CYP4A22: variants seen among roughly 807,000 people sequenced by gnomAD.
CYP4A22 encodes the protein cytochrome P450 family 4 subfamily A member 22.
CYP4A22 carries 46 observed loss-of-function variants against 56.2 expected under a neutral mutation model. That is an observed-to-expected ratio of 0.82 (90% CI 0.65 to 1.05). The LOEUF (loss-of-function observed/expected upper bound fraction) is 1.05. CYP4A22 is among the 50% of genes least tolerant of loss of function. CYP4A22 has a pLI of 0.00. For missense variants in CYP4A22, 541 were observed against 645.9 expected (o/e 0.84, Z 1.76); for synonymous variants, 193 against 251.1 (o/e 0.77, Z 2.19).
chr1:47,144,773 C>T, intron 8 of CYP4A22, 33 bp downstream of exon 8: 1 of 1,611,494 alleles, frequency 6.2e-7, no homozygotes, highest in Non-Finnish European at 8.5e-7. Context: ...GGGTTCCCTG[C>T]CTTCTCCACA....
rs532717348 is a variant in CYP4A22, at chr1:47,147,551, T to C, written c.1365-1051T>C. On this transcript the variant is annotated intron_variant, in intron 11 of 11. Coordinates refer to ENST00000371891, the MANE Select transcript of CYP4A22 (RefSeq NM_001010969.4). ...TTCACTCATTCACTCACTGAGTGGC[T>C]TGTTGAGTGTCCCTGTCCCTGGTGC... 12 of 592,002 alleles carry C rather than the reference T, an allele frequency of 2.0e-5. No homozygotes were observed. In the South Asian group the frequency reaches 9.1e-4, roughly 45 times the overall value. The allele number at this position is 592,002 out of a possible 1,614,324, so 36.7% of individuals were successfully genotyped here. A position where few individuals can be genotyped will look rare whatever the true frequency, so the allele number is the denominator to read the frequency against.
rs1167127059 is a variant in CYP4A22 at position 47,149,390 on chromosome 1, C to G, written c.*593C>G. On this transcript the variant is annotated 3_prime_UTR_variant, in exon 12 of 12. Transcript: ENST00000371891. ...TGCAACATGCCCTTTCGACCCACCCCCCATTCTCACCACCTGTTTCTTTGT... is the reference window on the plus strand; with the variant it reads ...TGCAACATGCCCTTTCGACCCACCCGCCATTCTCACCACCTGTTTCTTTGT... 1.3e-5 allele frequency: 2 copies of G among 153,206 alleles called. No individual in the cohort carries two copies. Among genetic ancestry groups the G allele is most frequent in the East Asian group, 1.9e-4 (1 of 5,196 alleles). The allele number at this position is 153,206 out of a possible 1,614,324, so 9.5% of individuals were successfully genotyped here.
intron 11 of CYP4A22, chr1:47,146,636 A>G: frequency 2.0e-6 from 2 of 1,007,706 alleles, no homozygotes; most frequent in African/African-American, 1.7e-5. Context: ...GCATCTGTTT[A>G]TAATACAGAT....
chr1:47,143,820 A>T lies in CYP4A22; in HGVS notation c.694A>T (p.Met232Leu), dbSNP rs191687330. The T allele has an allele frequency of 1.6e-5, 26 of 1,613,924 alleles. No homozygotes were observed. Among genetic ancestry groups the T allele is most frequent in the Non-Finnish European group, 2.2e-5 (26 of 1,179,972 alleles). The change falls in exon 6 of 12, where the codon ATG becomes TTG. Residue 232 changes from methionine to leucine, a missense_variant. Met to Leu is a conservative substitution (Grantham distance 15). Coordinates refer to ENST00000371891, the MANE Select transcript of CYP4A22 (RefSeq NM_001010969.4). ...SDLNSLVFCC[M>L]RNAFHENDTI... The stretch of plus-strand genomic sequence containing the variant: ...CCTGAACAGCCTGGTTTTTTGCTGT[A>T]TGAGGAATGCCTTTCATGAGAATGA...
At chr1:47,138,070 C>G (rs1481402781) in intron 1 of CYP4A22, among the ~76,000 whole-genome samples, 6 of 152,140 alleles carry the variant, frequency 3.9e-5, no homozygotes, top group African/African-American at 9.7e-5. Context: ...CCTGCATTTG[C>G]CTGGGAGCAC....
intron 1 of CYP4A22, among the ~76,000 whole-genome samples, chr1:47,139,979 G>A (rs1307610263): frequency 6.6e-6 from 1 of 152,190 alleles, no homozygotes; most frequent in East Asian, 1.9e-4. Flanking sequence ...CAGCAGCAGT[G>A]GTGGCATCGG....
intron 11 of CYP4A22, 152 bp downstream of exon 11, chr1:47,146,305 C>T (rs927343635): frequency 1.0e-5 from 16 of 1,543,978 alleles, no homozygotes; most frequent in Admixed American, 1.9e-5. Context: ...CTGGTGTGGG[C>T]GTCTCTGTGT....
At chr1:47,147,704 G>C (rs1645090976) in intron 11 of CYP4A22, among the ~76,000 whole-genome samples, 1 of 152,162 alleles carries the variant, frequency 6.6e-6, no homozygotes, top group East Asian at 1.9e-4. Flanking sequence ...TTGAGGATGT[G>C]GCAGGCAGAG....
rs758148526 is a variant in CYP4A22 at position 47,140,919 on chromosome 1, C to G, written c.335C>G (p.Ser112Ter). The G allele has an allele frequency of 1.2e-6, 2 of 1,613,736 alleles. No individual in the cohort carries two copies. Among genetic ancestry groups the G allele is most frequent in the African/African-American group, 2.7e-5 (2 of 74,884 alleles). ...TATATGAAGGTGATTCTGGGGAGAT[C>G]AGGTGAGATCGAACCCCCATCCCAA... ...PDYMKVILGRSDPKSHGSYKF... is the reference protein window; with the variant it reads ...PDYMKVILGR The change falls in exon 2 of 12, where the codon TCA becomes TGA. Residue 112 changes from serine to a stop codon, truncating the protein, a stop_gained and splice_region_variant. Coordinates refer to ENST00000371891, the MANE Select transcript of CYP4A22 (RefSeq NM_001010969.4). LOFTEE classifies it high-confidence loss of function.
At chr1:47,143,495 A>T (rs1449430826) in intron 5 of CYP4A22, 102 bp downstream of exon 5, 1 of 1,504,278 alleles carries the variant, frequency 6.6e-7, no homozygotes, top group African/African-American at 1.4e-5. Flanking sequence ...CGCCACACAA[A>T]GGAAGAGTCA....
rs1461947382 is a variant in CYP4A22, at chr1:47,137,656, C to G, written c.171C>G (p.His57Gln). The change falls in exon 1 of 12, where the codon CAC becomes CAG. Residue 57 changes from histidine to glutamine, a missense_variant. This residue lies in a region of CYP4A22 where 335 missense variants were observed against 361.2 expected (regional missense o/e 0.93). Coordinates refer to ENST00000371891, the MANE Select transcript of CYP4A22 (RefSeq NM_001010969.4). ...ALQQFPCPPS[H>Q]WLFGHIQEFQ... ...AGCAGTTCCCGTGCCCTCCCTCCCA[C>G]TGGCTCTTCGGGCACATCCAGGAGG... The G allele has an allele frequency of 6.2e-7, 1 of 1,612,944 alleles. No homozygotes were observed. Among genetic ancestry groups the G allele is most frequent in the Non-Finnish European group, 8.5e-7 (1 of 1,179,350 alleles).
rs370321634 is a variant in CYP4A22, at chr1:47,140,015, T to C, written c.196-765T>C. ...CGTTGGAGCTGAAACAAACGGGTGATGGTGGAATTGCCAGCAGGGCTGGAG... is the reference window on the plus strand; with the variant it reads ...CGTTGGAGCTGAAACAAACGGGTGACGGTGGAATTGCCAGCAGGGCTGGAG... On this transcript the variant is annotated intron_variant, in intron 1 of 11. Transcript: ENST00000371891. Among the ~76,000 whole-genome samples the C allele has an allele frequency of 7.0e-4, 107 of 152,228 alleles. 1 individual carries two copies. The highest frequency in any genetic ancestry group is 2.0e-3 in the African/African-American group (84 of 41,538).
At chr1:47,138,744 T>C (rs1028716764) in intron 1 of CYP4A22, among the ~76,000 whole-genome samples, 1 of 152,082 alleles carries the variant, frequency 6.6e-6, no homozygotes, top group African/African-American at 2.4e-5. Flanking sequence ...ACACACCAGG[T>C]GTAGAGGAAC....
Position 47,143,791 on chromosome 1 carries a change from G to C in CYP4A22, c.665G>C (p.Ser222Thr). ...TCTCAGTCCTACATCCAGGCCATTAGTGACCTGAACAGCCTGGTTTTTTGC... is the reference window on the plus strand; with the variant it reads ...TCTCAGTCCTACATCCAGGCCATTACTGACCTGAACAGCCTGGTTTTTTGC... The part of the protein sequence containing the change: ...RNSQSYIQAI[S>T]DLNSLVFCCM... The change falls in exon 6 of 12, where the codon AGT becomes ACT. Residue 222 changes from serine (S) to threonine (T), a missense_variant. Physicochemically the swap from Ser to Thr is moderately conservative, Grantham distance 58. This residue lies in a region of CYP4A22 where 335 missense variants were observed against 361.2 expected (regional missense o/e 0.93). Transcript: ENST00000371891. 6.2e-7 allele frequency: 1 copy of C among 1,613,610 alleles called. No individual in the cohort carries two copies. Among genetic ancestry groups the C allele is most frequent in the South Asian group, 1.1e-5 (1 of 91,010 alleles).
rs754263031 is a variant in CYP4A22, at chr1:47,137,611, G to A, written c.126G>A (p.Gln42=). ...IKAAQLYLHR[Q]WLLKALQQFP... is the part of the protein sequence containing the mutation. ...CAGCTCAGCTCTACCTGCATAGGCA[G>A]TGGCTGCTCAAAGCCCTCCAGCAGT... The change falls in exon 1 of 12, where the codon CAG becomes CAA. Residue 42 remains glutamine (Q), a synonymous_variant. Coordinates refer to ENST00000371891, the MANE Select transcript of CYP4A22 (RefSeq NM_001010969.4). 7.4e-6 allele frequency: 12 copies of A among 1,614,074 alleles called. No homozygotes were observed. In the African/African-American group the frequency reaches 1.3e-4, roughly 18 times the overall value.
intron 5 of CYP4A22, 140 bp downstream of exon 5, chr1:47,143,533 C>A: frequency 6.7e-7 from 1 of 1,489,660 alleles, no homozygotes; most frequent in Non-Finnish European, 9.0e-7. Flanking sequence ...AATTCCTGTC[C>A]AGACCAAACA....
chr1:47,143,996 T>G (rs911909), intron 6 of CYP4A22, 80 bp downstream of exon 6: 1 of 1,524,336 alleles, frequency 6.6e-7, no homozygotes, highest in Middle Eastern at 1.8e-4. Context: ...GCAGAGAAGG[T>G]CCCTAGTAAT....
chr1:47,145,473 TG>T (rs906089070), intron 9 of CYP4A22, among the ~76,000 whole-genome samples: 1 of 152,198 alleles, frequency 6.6e-6, no homozygotes, highest in African/African-American at 2.4e-5. Flanking sequence ...ACAAGACAAT[TG>T]GTCTCTCTGA....
chr1:47,144,332 C>T (rs1044848943), intron 6 of CYP4A22, 25 bp from the exon 7 acceptor site: 5 of 1,609,440 alleles, frequency 3.1e-6, no homozygotes, highest in Non-Finnish European at 2.6e-6. Flanking sequence ...CTCAGCTCTG[C>T]CTGGTAACCA....
Sources: gnomAD v4.1 joint callset for allele counts (sites outside exome capture counted in the v4.1 genomes callset) on GRCh38, gnomAD v4.1.1 for gene constraint, gnomAD v4.1.1 regional missense constraint, MANE v1.5 for transcripts, NCBI Gene and HGNC (gene_info 2026-07-23, HGNC 2026-07-21) for gene names.